Variants in C1orf21 observed in about 807,000 individuals in gnomAD.
C1orf21 encodes chromosome 1 open reading frame 21.
A neutral mutation model predicts 18.7 loss-of-function variants in C1orf21; 3 were observed. The ratio of observed to expected loss-of-function variants is 0.16; its 90% CI spans 0.07 to 0.42. The LOEUF (loss-of-function observed/expected upper bound fraction) is 0.42, where lower values mean the gene tolerates loss of function less well. C1orf21 is among the 10% of genes least tolerant of loss of function. The pLI, the probability that C1orf21 is intolerant of heterozygous loss-of-function variation, is 0.99. For missense variants in C1orf21, 104 were observed against 143.6 expected, an observed-to-expected ratio of 0.72 and a Z score of 1.41; for synonymous variants, 41 against 46.4, an observed-to-expected ratio of 0.88 and a Z score of 0.47.
At chr1:184,574,295 ACT>A (rs1317582567) in intron 3 of C1orf21, among the ~76,000 whole-genome samples, 8 of 152,136 alleles carry the variant, frequency 5.3e-5, no homozygotes, top group South Asian at 4.1e-4. Flanking sequence ...GATTGTGAAA[ACT>A]CTGATGTCAG....
At chr1:184,486,948 T>C (rs1657740583) in intron 2 of C1orf21, among the ~76,000 whole-genome samples, 1 of 152,226 alleles carries the variant, frequency 6.6e-6, no homozygotes, top group South Asian at 2.1e-4. Context: ...TTGTATTGTC[T>C]GTAGCAGTGG....
At chr1:184,567,696 A>T in intron 3 of C1orf21, 1 of 369,374 alleles carries the variant, frequency 2.7e-6, no homozygotes, top group Non-Finnish European at 5.5e-6. Flanking sequence ...AGATTTTTCC[A>T]GGGCTGCTAA....
intron 3 of C1orf21, among the ~76,000 whole-genome samples, chr1:184,543,396 A>G (rs1658686544): frequency 6.6e-6 from 1 of 152,204 alleles, no homozygotes; most frequent in South Asian, 2.1e-4. Flanking sequence ...AAGTAACAGT[A>G]ATAATTAAAT....
intron 1 of C1orf21, among the ~76,000 whole-genome samples, chr1:184,391,092 C>T (rs969984322): frequency 2.0e-5 from 3 of 152,148 alleles, no homozygotes; most frequent in East Asian, 3.9e-4. Flanking sequence ...TTGACTGTCT[C>T]GGTTCTGAAG....
chr1:184,391,666 G>A (rs1655972152), intron 1 of C1orf21, among the ~76,000 whole-genome samples: 1 of 152,116 alleles, frequency 6.6e-6, no homozygotes, highest in Non-Finnish European at 1.5e-5. Context: ...ACATTTGACA[G>A]GAAACATACC....
chr1:184,438,868 A>G (rs182458216), intron 1 of C1orf21, among the ~76,000 whole-genome samples: 53 of 152,318 alleles, frequency 3.5e-4, no homozygotes, highest in Admixed American at 3.5e-3. Context: ...CTTAAGTGTC[A>G]TTGATAACCA....
At chr1:184,402,071 A>G (rs779853214) in intron 1 of C1orf21, among the ~76,000 whole-genome samples, 1 of 152,230 alleles carries the variant, frequency 6.6e-6, no homozygotes, top group Non-Finnish European at 1.5e-5. Context: ...TTGTACTTAA[A>G]AAGTTTTCCA....
At chr1:184,567,495 A>G in intron 3 of C1orf21, 1 of 538,502 alleles carries the variant, frequency 1.9e-6, no homozygotes, top group Non-Finnish European at 3.8e-6. Context: ...ATTGTAGGGA[A>G]GCTGAGTGCA....
chr1:184,533,042 A>T (rs911148490), intron 3 of C1orf21, among the ~76,000 whole-genome samples: 5 of 152,100 alleles, frequency 3.3e-5, no homozygotes, highest in Admixed American at 1.3e-4. Flanking sequence ...ATAGCTAATC[A>T]TGTCATTCCC....
At chr1:184,426,576 T>C (rs1301636684) in intron 1 of C1orf21, among the ~76,000 whole-genome samples, 2 of 152,174 alleles carry the variant, frequency 1.3e-5, no homozygotes, top group East Asian at 3.8e-4. Context: ...CTCTTTCTTC[T>C]TGAAACGGTC....
chr1:184,528,310 A>C (rs1295546681), intron 3 of C1orf21, among the ~76,000 whole-genome samples: 1 of 152,128 alleles, frequency 6.6e-6, no homozygotes, highest in South Asian at 2.1e-4. Flanking sequence ...ATCACAACAC[A>C]TTTTTCATTT....
At position 184,533,579 on chromosome 1, in the gene C1orf21, CA is replaced by C. The variant is rs543641296; in HGVS notation, c.189+25898del. 2.3e-3 allele frequency among the ~76,000 whole-genome samples: 357 copies of C among 152,260 alleles called. 1 individual carries two copies. Among genetic ancestry groups the C allele is most frequent in the African/African-American group, 8.3e-3 (344 of 41,556 alleles). On this transcript the variant is annotated intron_variant, in intron 3 of 5. Transcript: ENST00000235307. ...ACAACTTCAAAAATAAATGTTCCGA[CA>C]TGATTTTTTTTCAGCTATTGGTTCT...
At chr1:184,602,762 G>GA (rs1302383688) in intron 5 of C1orf21, among the ~76,000 whole-genome samples, 1 of 152,140 alleles carries the variant, frequency 6.6e-6, no homozygotes, top group Non-Finnish European at 1.5e-5. Context: ...GTAAAAAGCA[G>GA]AAAAAATAAA....
chr1:184,432,989 C>T (rs1042532416), intron 1 of C1orf21, among the ~76,000 whole-genome samples: 2 of 152,184 alleles, frequency 1.3e-5, no homozygotes, highest in Non-Finnish European at 2.9e-5. Context: ...TCAGTGGTAT[C>T]CAAGTCAGAC....
At chr1:184,442,170 G>A (rs1656958463) in intron 1 of C1orf21, among the ~76,000 whole-genome samples, 1 of 152,046 alleles carries the variant, frequency 6.6e-6, no homozygotes, top group African/African-American at 2.4e-5. Flanking sequence ...AAATTAAATG[G>A]GACAATGTAT....
At chr1:184,486,743 G>T (rs1657737893) in intron 2 of C1orf21, among the ~76,000 whole-genome samples, 1 of 152,116 alleles carries the variant, frequency 6.6e-6, no homozygotes, top group East Asian at 1.9e-4. Context: ...TTGCCAGCTG[G>T]TATCATGAGC....
intron 4 of C1orf21, among the ~76,000 whole-genome samples, chr1:184,594,163 A>G (rs1056512272): frequency 1.3e-5 from 2 of 152,230 alleles, no homozygotes; most frequent in African/African-American, 4.8e-5. Context: ...GCTATGCATG[A>G]ACTACTAGTA....
At chr1:184,476,920 A>C (rs1433630489) in intron 1 of C1orf21, among the ~76,000 whole-genome samples, 1 of 152,110 alleles carries the variant, frequency 6.6e-6, no homozygotes, top group East Asian at 1.9e-4. Context: ...TCCTGGCAAA[A>C]TTTGAGGAGC....
intron 5 of C1orf21, among the ~76,000 whole-genome samples, chr1:184,606,186 T>G (rs1448097190): frequency 6.6e-6 from 1 of 152,244 alleles, no homozygotes; most frequent in Non-Finnish European, 1.5e-5. Context: ...GTGGCATGGA[T>G]ACAGCTACAG....
Sources: gnomAD v4.1 joint callset for allele counts (sites outside exome capture counted in the v4.1 genomes callset) on GRCh38, gnomAD v4.1.1 for gene constraint, MANE v1.5 for transcripts, NCBI Gene and HGNC (gene_info 2026-07-23, HGNC 2026-07-21) for gene names.